The following GRM1 variants were observed in gnomAD, a reference collection of about 807,000 sequenced individuals.
The protein encoded by GRM1 is glutamate metabotropic receptor 1.
GRM1 carries 33 observed loss-of-function variants against 90.9 expected under a neutral mutation model. That is an observed-to-expected ratio of 0.36 (90% CI 0.28 to 0.49). The LOEUF is 0.49. Ranked by LOEUF, GRM1 falls within the 20% of genes least tolerant of loss-of-function variation. The pLI, the probability that GRM1 is intolerant of heterozygous loss-of-function variation, is 0.99. For missense variants in GRM1, 1,190 were observed against 1,534.3 expected, an observed-to-expected ratio of 0.78 and a Z score of 3.75; for synonymous variants, 700 against 613.2, an observed-to-expected ratio of 1.14 and a Z score of -2.09.
chr6:146,207,432 G>A lies in GRM1; in HGVS notation c.950+47835G>A, dbSNP rs139267130. 3.3e-3 allele frequency among the ~76,000 whole-genome samples: 501 copies of A among 152,160 alleles called. 8 individuals are homozygous for A. The highest frequency in any genetic ancestry group is 3.2e-3 in the Non-Finnish European group (217 of 67,988). ...TCATGTCCTTTGCCCATTTTTTAAC[G>A]GGGTTGTTTGTTTTTTCTCTTGTAA... On this transcript the variant is annotated intron_variant, in intron 2 of 7. Transcript: ENST00000282753.
At chr6:146,170,799 G>C (rs1778090435) in intron 2 of GRM1, among the ~76,000 whole-genome samples, 1 of 151,290 alleles carries the variant, frequency 6.6e-6, no homozygotes, top group Non-Finnish European at 1.5e-5. Flanking sequence ...TTGGTTGCCT[G>C]CTTTTTTTTT....
chr6:146,257,866 A>G (rs1174205626), intron 2 of GRM1, among the ~76,000 whole-genome samples: 1 of 152,112 alleles, frequency 6.6e-6, no homozygotes, highest in Non-Finnish European at 1.5e-5. Context: ...CACTCTTCAG[A>G]GAGACATGCA....
chr6:146,343,062 C>T (rs1292115260), intron 3 of GRM1, among the ~76,000 whole-genome samples: 2 of 151,988 alleles, frequency 1.3e-5, no homozygotes, highest in African/African-American at 2.4e-5. Context: ...TGGGCTGTGA[C>T]AGTCCTCAGC....
At chr6:146,307,208 T>G (rs989683582) in intron 3 of GRM1, among the ~76,000 whole-genome samples, 1 of 152,198 alleles carries the variant, frequency 6.6e-6, no homozygotes, top group Non-Finnish European at 1.5e-5. Flanking sequence ...TGATTTATTT[T>G]TATGCTGTGC....
rs555861894 is a variant in GRM1, at chr6:146,252,714, A to C, written c.951-51897A>C. ...TTTACGTAGTTGAAAAAACATGTGC[A>C]AAAGCACTGATACAAAACTATATGG... On this transcript the variant is annotated intron_variant, in intron 2 of 7. Transcript: ENST00000282753. Among the ~76,000 whole-genome samples the C allele has an allele frequency of 4.6e-5, 7 of 152,284 alleles. No individual in the cohort carries two copies. The East Asian group carries it at 9.6e-4, about 21-fold the overall frequency.
At chr6:146,200,263 C>G (rs949591104) in intron 2 of GRM1, among the ~76,000 whole-genome samples, 5 of 152,188 alleles carry the variant, frequency 3.3e-5, no homozygotes, top group African/African-American at 1.2e-4. Flanking sequence ...TCTTGGCAAG[C>G]TACCAGTAAA....
chr6:146,390,497 A>G (rs2114543335), intron 6 of GRM1, among the ~76,000 whole-genome samples: 1 of 152,136 alleles, frequency 6.6e-6, no homozygotes, highest in African/African-American at 2.4e-5. Context: ...TTGTGGACCA[A>G]TTATATGTAA....
intron 2 of GRM1, among the ~76,000 whole-genome samples, chr6:146,275,281 T>A (rs1003320395): frequency 6.6e-6 from 1 of 152,116 alleles, no homozygotes; most frequent in African/African-American, 2.4e-5. Context: ...AAGCTAGACC[T>A]TTTAAGGTGG....
Position 146,286,293 on chromosome 6 carries a change from A to G in GRM1, c.951-18318A>G, listed in dbSNP as rs1231445380. On this transcript the variant is annotated intron_variant, in intron 2 of 7. Coordinates refer to ENST00000282753, the MANE Select transcript of GRM1 (RefSeq NM_001278064.2). ...CTAAGAAAACTCGATACATATAAAAATACAAAATGGAAAGGAGCTAAATGA... is the reference window on the plus strand; with the variant it reads ...CTAAGAAAACTCGATACATATAAAAGTACAAAATGGAAAGGAGCTAAATGA... Among the ~76,000 whole-genome samples the G allele has an allele frequency of 2.6e-5, 4 of 152,190 alleles. No homozygotes were observed. The East Asian group carries it at 7.7e-4, about 29-fold the overall frequency.
intron 7 of GRM1, among the ~76,000 whole-genome samples, chr6:146,403,086 G>A (rs372295417): frequency 2.0e-5 from 3 of 151,964 alleles, no homozygotes; most frequent in African/African-American, 4.8e-5. Flanking sequence ...TGAAAAAATC[G>A]ATTTATTGGC....
At chr6:146,148,471 C>A (rs2128886987) in intron 1 of GRM1, among the ~76,000 whole-genome samples, 1 of 152,004 alleles carries the variant, frequency 6.6e-6, no homozygotes, top group South Asian at 2.1e-4. Context: ...TAAATATTTT[C>A]CCTGACATTG....
intron 1 of GRM1, among the ~76,000 whole-genome samples, chr6:146,056,320 G>T (rs1775478395): frequency 6.6e-6 from 1 of 152,048 alleles, no homozygotes; most frequent in Non-Finnish European, 1.5e-5. Flanking sequence ...GCCAACTGTG[G>T]TCATGGGAGA....
chr6:146,183,711 G>A (rs537545962), intron 2 of GRM1, among the ~76,000 whole-genome samples: 1 of 152,172 alleles, frequency 6.6e-6, no homozygotes, highest in South Asian at 2.1e-4. Context: ...TAGAACCTTC[G>A]TGTATAGGCT....
chr6:146,432,205 A>AT (rs1388914815), intron 7 of GRM1, among the ~76,000 whole-genome samples: 2 of 152,244 alleles, frequency 1.3e-5, no homozygotes, highest in Non-Finnish European at 2.9e-5. Context: ...GTCTTAGACA[A>AT]TTAAAAATGC....
intron 2 of GRM1, among the ~76,000 whole-genome samples, chr6:146,289,684 G>A (rs1038741644): frequency 2.0e-5 from 3 of 152,118 alleles, no homozygotes; most frequent in African/African-American, 7.2e-5. Flanking sequence ...GTCCTGTACA[G>A]GGGTACCATT....
At chr6:146,370,018 T>C (rs375835741) in intron 5 of GRM1, among the ~76,000 whole-genome samples, 26 of 152,234 alleles carry the variant, frequency 1.7e-4, no homozygotes, top group African/African-American at 5.8e-4. Context: ...GTTGGATGCA[T>C]AGATATTTAC....
intron 2 of GRM1, among the ~76,000 whole-genome samples, chr6:146,297,007 C>T (rs1424536312): frequency 6.6e-6 from 1 of 152,146 alleles, no homozygotes; most frequent in African/African-American, 2.4e-5. Flanking sequence ...ATAAGCATTC[C>T]CTGATGCATA....
At chr6:146,166,149 C>T (rs1777895478) in intron 2 of GRM1, among the ~76,000 whole-genome samples, 1 of 152,116 alleles carries the variant, frequency 6.6e-6, no homozygotes, top group Non-Finnish European at 1.5e-5. Context: ...TCTTGTAGCA[C>T]TTGTGGCAGT....
At chr6:146,102,149 TTTCTCTGGG>T (rs1170024708) in intron 1 of GRM1, among the ~76,000 whole-genome samples, 6 of 152,254 alleles carry the variant, frequency 3.9e-5, no homozygotes, top group African/African-American at 1.4e-4. Context: ...TCTTACTCTT[TTTCTCTGGG>T]TTCTCTTCCA....
Sources: allele counts gnomAD v4.1 joint callset (sites outside exome capture counted in the v4.1 genomes callset), GRCh38; gene constraint gnomAD v4.1.1; transcripts MANE v1.5; gene names NCBI Gene and HGNC (gene_info 2026-07-23, HGNC 2026-07-21).